Variants in KIF16B observed in about 807,000 individuals in gnomAD.
KIF16B encodes kinesin family member 16B.
In KIF16B, 98 loss-of-function variants were observed where a neutral mutation model predicts 156.3. The observed-to-expected ratio is 0.63, with a 90% CI of 0.53 to 0.74. KIF16B has a LOEUF of 0.74. Ranked by LOEUF, KIF16B falls within the 30% of genes least tolerant of loss-of-function variation. The pLI, the probability that KIF16B is intolerant of heterozygous loss-of-function variation, is 0.00. For synonymous variants in KIF16B, 564 were observed against 583.7 expected (o/e 0.97, Z 0.49); for missense variants, 1,421 against 1,606.5 (o/e 0.88, Z 1.97).
At chr20:16,368,726 C>T in intron 22 of KIF16B, 1 of 985,884 alleles carries the variant, frequency 1.0e-6, no homozygotes. Flanking sequence ...CTCTGCGGGG[C>T]ACTGCAGGAT....
intron 1 of KIF16B, among the ~76,000 whole-genome samples, chr20:16,557,606 A>G (rs561511863): frequency 3.9e-5 from 6 of 152,308 alleles, no homozygotes; most frequent in South Asian, 2.1e-4. Context: ...AGAGAAGTAC[A>G]ATAATACATC....
intron 6 of KIF16B, among the ~76,000 whole-genome samples, chr20:16,509,674 G>A (rs1235117257): frequency 2.0e-5 from 3 of 152,134 alleles, no homozygotes; most frequent in Non-Finnish European, 4.4e-5. Flanking sequence ...TGTTGAATCT[G>A]TCCTTACTGA....
intron 25 of KIF16B, among the ~76,000 whole-genome samples, chr20:16,292,784 G>T (rs1377615691): frequency 6.6e-6 from 1 of 152,190 alleles, no homozygotes; most frequent in Non-Finnish European, 1.5e-5. Flanking sequence ...TGAATGGAGA[G>T]CAACTAAACT....
intron 12 of KIF16B, among the ~76,000 whole-genome samples, chr20:16,487,568 G>A (rs59513209): frequency 0.056 from 8,569 of 152,216 alleles, 262 homozygotes; most frequent in African/African-American, 0.083. Context: ...AAAAAGTTCA[G>A]TGGATTGATT....
chr20:16,283,447 A>G (rs1601486038), intron 25 of KIF16B, among the ~76,000 whole-genome samples: 1 of 152,294 alleles, frequency 6.6e-6, no homozygotes, highest in East Asian at 1.9e-4. Context: ...GGCAGTTGCC[A>G]ACAAGTCCCC....
intron 18 of KIF16B, 39 bp downstream of exon 18, chr20:16,381,655 A>C: frequency 1.3e-6 from 2 of 1,516,076 alleles, no homozygotes; most frequent in Non-Finnish European, 1.8e-6. Flanking sequence ...AGGAATCCAG[A>C]CTACAGGAGT....
At chr20:16,483,910 A>G (rs2068046221) in intron 12 of KIF16B, among the ~76,000 whole-genome samples, 1 of 152,130 alleles carries the variant, frequency 6.6e-6, no homozygotes, top group Non-Finnish European at 1.5e-5. Context: ...CAACTTATCT[A>G]TGTCATGAAA....
intron 17 of KIF16B, among the ~76,000 whole-genome samples, chr20:16,396,455 G>A (rs6034469): frequency 0.34 from 50,927 of 151,686 alleles, 8,574 homozygotes; most frequent in East Asian, 0.46. Flanking sequence ...TAAGTGCAAA[G>A]AACTCTAAAG....
chr20:16,325,485 A>G (rs776573576), intron 24 of KIF16B, among the ~76,000 whole-genome samples: 2 of 152,030 alleles, frequency 1.3e-5, no homozygotes, highest in Non-Finnish European at 2.9e-5. Context: ...TATACAAATC[A>G]CTAGTGCTGC....
chr20:16,284,649 TCA>T (rs1278770504), intron 25 of KIF16B, among the ~76,000 whole-genome samples: 2 of 152,038 alleles, frequency 1.3e-5, no homozygotes, highest in Non-Finnish European at 2.9e-5. Flanking sequence ...TGTAGCACAA[TCA>T]CAGTTCCTCA....
intron 25 of KIF16B, among the ~76,000 whole-genome samples, chr20:16,281,099 C>G (rs1462200102): frequency 1.3e-5 from 2 of 152,106 alleles, no homozygotes; most frequent in African/African-American, 4.8e-5. Context: ...AATGATTTTT[C>G]CGGCCATCTC....
intron 12 of KIF16B, among the ~76,000 whole-genome samples, chr20:16,445,419 C>CATGTGT (rs138741843): frequency 4.8e-5 from 7 of 146,760 alleles, no homozygotes; most frequent in Non-Finnish European, 9.0e-5. Flanking sequence ...CATGTATATA[C>CATGTGT]GTGTGTGTGT....
chr20:16,562,826 C>T (rs1326627801), intron 1 of KIF16B, among the ~76,000 whole-genome samples: 1 of 152,140 alleles, frequency 6.6e-6, no homozygotes, highest in Non-Finnish European at 1.5e-5. Flanking sequence ...GCATATGAGA[C>T]AGAACCTGAT....
chr20:16,469,254 T>TAAAAAAA lies in KIF16B; in HGVS notation c.1302+25030_1302+25036dup, dbSNP rs57114751. Among the ~76,000 whole-genome samples, 569 of 66,042 alleles carry TAAAAAAA rather than the reference T, an allele frequency of 8.6e-3. 9 individuals are homozygous for TAAAAAAA. Among genetic ancestry groups the TAAAAAAA allele is most frequent in the Non-Finnish European group, 0.013 (447 of 33,710 alleles). The allele number at this position is 66,042 out of a possible 152,430, so 43.3% of individuals were successfully genotyped here. The stretch of plus-strand genomic sequence containing the variant: ...GGTGACAGAGCAGGACCCTGTGTCT[T>TAAAAAAA]AAAAAAAAAAAAAAAAAAAAAAAAA... On this transcript the variant is annotated intron_variant, in intron 12 of 25. Coordinates refer to ENST00000354981, the MANE Select transcript of KIF16B (RefSeq NM_024704.5).
At position 16,367,496 on chromosome 20, in the gene KIF16B, C is replaced by T. The variant is rs1439647656; in HGVS notation, c.3498+3090G>A. The T allele has an allele frequency of 1.2e-6, 2 of 1,612,894 alleles. No individual in the cohort carries two copies. The highest frequency in any genetic ancestry group is 2.2e-5 in the East Asian group (1 of 44,882). On this transcript the variant is annotated intron_variant, in intron 22 of 25. Coordinates refer to ENST00000354981, the MANE Select transcript of KIF16B (RefSeq NM_024704.5). ...GGATAAAAAACACAGTCTTCCTTCA[C>T]CAGTGCAATGTGGGTGTTCAGAAGG...
chr20:16,421,918 G>T (rs1281332359), intron 15 of KIF16B, among the ~76,000 whole-genome samples: 1 of 152,098 alleles, frequency 6.6e-6, no homozygotes, highest in East Asian at 1.9e-4. Context: ...ATCCCGCAGG[G>T]AAAGACAATT....
chr20:16,506,841 T>A (rs1004341132), intron 7 of KIF16B, among the ~76,000 whole-genome samples: 6 of 151,978 alleles, frequency 3.9e-5, no homozygotes, highest in Non-Finnish European at 5.9e-5. Context: ...ATGCCTGTGA[T>A]CCCAGCACTT....
Position 16,504,838 on chromosome 20 carries a change from CG to C in KIF16B, c.1001-292del, listed in dbSNP as rs1238916784. Reference sequence around the variant, plus strand: ...GTTAGGTAGTTTTCCCTGCTGAAAACGTAAGAAGAAGGTTTAAAGACTATTT... The same window carrying C: ...GTTAGGTAGTTTTCCCTGCTGAAAACTAAGAAGAAGGTTTAAAGACTATTT... On this transcript the variant is annotated intron_variant, in intron 9 of 25. Transcript: ENST00000354981. Among the ~76,000 whole-genome samples the C allele has an allele frequency of 3.9e-5, 6 of 151,936 alleles. No homozygotes were observed. The East Asian group carries it at 1.2e-3, about 29-fold the overall frequency.
At position 16,504,506 on chromosome 20, in the gene KIF16B, T is replaced by C. The variant is rs2068718687; in HGVS notation, c.1042A>G (p.Thr348Ala). The C allele has an allele frequency of 6.2e-7, 1 of 1,613,858 alleles. No individual in the cohort carries two copies. The highest frequency in any genetic ancestry group is 1.7e-5 in the Admixed American group (1 of 59,980). ...TTGGCTCTATTTGCATAGCGAAGAGTACTTAGGGTTTCTCCATAATTGACA... is the reference window on the plus strand; with the variant it reads ...TTGGCTCTATTTGCATAGCGAAGAGCACTTAGGGTTTCTCCATAATTGACA... ...ADVNYGETLS[T>A]LRYANRAKNI... The change falls in exon 10 of 26, where the codon ACT becomes GCT. Residue 348 changes from threonine to alanine, a missense_variant. Coordinates refer to ENST00000354981, the MANE Select transcript of KIF16B (RefSeq NM_024704.5).
Sources: allele counts gnomAD v4.1 joint callset (sites outside exome capture counted in the v4.1 genomes callset), GRCh38; gene constraint gnomAD v4.1.1; transcripts MANE v1.5; gene names NCBI Gene and HGNC (gene_info 2026-07-23, HGNC 2026-07-21).